RHBDL2: variants seen among roughly 807,000 people sequenced by gnomAD.
The protein encoded by RHBDL2 is rhomboid-related protein 2.
RHBDL2 carries 26 observed loss-of-function variants against 31.7 expected under a neutral mutation model. That is an observed-to-expected ratio of 0.82 (90% CI 0.60 to 1.14). The LOEUF is 1.14. RHBDL2 is among the 50% of genes most tolerant of loss of function. The pLI is 0.00. For missense variants in RHBDL2, 336 were observed against 364.4 expected (o/e 0.92, Z 0.63); for synonymous variants, 123 against 127.2 (o/e 0.97, Z 0.22).
At chr1:38,918,071 G>A (rs186407166) in intron 2 of RHBDL2, among the ~76,000 whole-genome samples, 1 of 152,254 alleles carries the variant, frequency 6.6e-6, no homozygotes. Context: ...TGGGCCTCCA[G>A]CCTGCCAGCC....
intron 4 of RHBDL2, among the ~76,000 whole-genome samples, chr1:38,903,624 T>G (rs1374972858): frequency 6.6e-6 from 1 of 152,150 alleles, no homozygotes; most frequent in Admixed American, 6.6e-5. Flanking sequence ...GTTGGAAGAC[T>G]CAATATTGTT....
At chr1:38,935,053 C>T (rs1643481996) in intron 1 of RHBDL2, among the ~76,000 whole-genome samples, 1 of 152,044 alleles carries the variant, frequency 6.6e-6, no homozygotes, top group African/African-American at 2.4e-5. Context: ...AAATCGGCTC[C>T]AAGATCAAAT....
At chr1:38,898,533 A>T (rs904833743) in intron 4 of RHBDL2, among the ~76,000 whole-genome samples, 11 of 152,230 alleles carry the variant, frequency 7.2e-5, no homozygotes, top group Non-Finnish European at 5.9e-5. Context: ...TCAAGATACT[A>T]GACATCAGAA....
At chr1:38,927,488 C>T (rs2124348997) in intron 1 of RHBDL2, among the ~76,000 whole-genome samples, 1 of 152,272 alleles carries the variant, frequency 6.6e-6, no homozygotes. Flanking sequence ...CGCACCACTT[C>T]CATTATCATT....
chr1:38,925,018 T>A (rs1643359283), intron 1 of RHBDL2, among the ~76,000 whole-genome samples: 4 of 151,320 alleles, frequency 2.6e-5, no homozygotes, highest in Admixed American at 2.6e-4. Context: ...TGACCTCAAG[T>A]GATCCATCCA....
At chr1:38,933,666 C>T (rs1643461336) in intron 1 of RHBDL2, among the ~76,000 whole-genome samples, 1 of 152,078 alleles carries the variant, frequency 6.6e-6, no homozygotes, top group Non-Finnish European at 1.5e-5. Context: ...AAACTTCATC[C>T]CCACCAGCAA....
At chr1:38,924,328 CT>C (rs1643348275) in intron 1 of RHBDL2, among the ~76,000 whole-genome samples, 1 of 152,142 alleles carries the variant, frequency 6.6e-6, no homozygotes, top group Non-Finnish European at 1.5e-5. Flanking sequence ...GGCACAGTGG[CT>C]CACGCCTGTA....
intron 4 of RHBDL2, among the ~76,000 whole-genome samples, chr1:38,897,457 A>G (rs1642933341): frequency 6.6e-6 from 1 of 152,170 alleles, no homozygotes; most frequent in Non-Finnish European, 1.5e-5. Flanking sequence ...CTATAATCTC[A>G]GTGCTTTGGG....
At chr1:38,914,431 G>A (rs1303714958) in intron 3 of RHBDL2, among the ~76,000 whole-genome samples, 2 of 151,560 alleles carry the variant, frequency 1.3e-5, no homozygotes, top group South Asian at 2.1e-4. Context: ...TAGTAGAGAC[G>A]GGGTTTTACC....
chr1:38,901,939 C>T (rs1642996166), intron 4 of RHBDL2, among the ~76,000 whole-genome samples: 1 of 151,494 alleles, frequency 6.6e-6, no homozygotes, highest in Non-Finnish European at 1.5e-5. Context: ...TTTCAATAAT[C>T]CTTTCTCAAT....
chr1:38,934,761 G>A (rs979672977), intron 1 of RHBDL2, among the ~76,000 whole-genome samples: 3 of 151,248 alleles, frequency 2.0e-5, no homozygotes, highest in East Asian at 3.9e-4. Flanking sequence ...TTTGAGACCA[G>A]CCTGGCCAAC....
chr1:38,931,488 C>A (rs1286145535), intron 1 of RHBDL2, among the ~76,000 whole-genome samples: 1 of 151,628 alleles, frequency 6.6e-6, no homozygotes, highest in Non-Finnish European at 1.5e-5. Flanking sequence ...CGCCACTGCA[C>A]TCCAGCCTGG....
intron 1 of RHBDL2, among the ~76,000 whole-genome samples, chr1:38,933,048 G>A (rs1053095431): frequency 6.6e-6 from 1 of 152,024 alleles, no homozygotes; most frequent in Non-Finnish European, 1.5e-5. Context: ...TCCTTCAATG[G>A]TTTCCCATTG....
At chr1:38,914,706 C>G (rs898261471) in intron 3 of RHBDL2, among the ~76,000 whole-genome samples, 8 of 151,914 alleles carry the variant, frequency 5.3e-5, no homozygotes, top group Admixed American at 1.3e-4. Context: ...TTCCTAAATA[C>G]TAATATTGGG....
At position 38,886,701 on chromosome 1, in the gene RHBDL2, G is replaced by A. The variant is rs1642789767; in HGVS notation, c.733-18C>T. The stretch of plus-strand genomic sequence containing the variant: ...AAAGACACCTTGGGAGAAAAGGAGG[G>A]AAAATGGAAATAAGTGAAGACAATG... On this transcript the variant is annotated intron_variant, in intron 7 of 7. Transcript: ENST00000372990. 2.6e-6 allele frequency: 4 copies of A among 1,520,074 alleles called. No homozygotes were observed. The highest frequency in any genetic ancestry group is 4.7e-5 in the East Asian group (2 of 42,710). The allele number at this position is 1,520,074 out of a possible 1,614,324, so 94.2% of individuals were successfully genotyped here.
At chr1:38,888,059 T>A (rs1642809049) in intron 6 of RHBDL2, 35 bp from the exon 7 acceptor site, 2 of 1,451,210 alleles carry the variant, frequency 1.4e-6, no homozygotes, top group Admixed American at 3.4e-5. Flanking sequence ...AGGCTCAGAA[T>A]CTCCACAGTA....
At chr1:38,910,865 G>A (rs567749445) in intron 4 of RHBDL2, among the ~76,000 whole-genome samples, 5 of 148,436 alleles carry the variant, frequency 3.4e-5, no homozygotes, top group South Asian at 2.1e-4. Flanking sequence ...TGCAATCTCC[G>A]CCCCCTAGGT....
At chr1:38,919,935 A>G (rs773771797) in intron 1 of RHBDL2, among the ~76,000 whole-genome samples, 7 of 152,186 alleles carry the variant, frequency 4.6e-5, no homozygotes, top group Non-Finnish European at 1.0e-4. Context: ...AATGTTGTGC[A>G]GCCATCACCA....
At chr1:38,941,096 C>T (rs1368081768) in intron 1 of RHBDL2, among the ~76,000 whole-genome samples, 1 of 152,182 alleles carries the variant, frequency 6.6e-6, no homozygotes, top group African/African-American at 2.4e-5. Flanking sequence ...GCGCAGCCCT[C>T]CCTCCAGAGA....
Sources: allele counts gnomAD v4.1 joint callset (sites outside exome capture counted in the v4.1 genomes callset), GRCh38; gene constraint gnomAD v4.1.1; transcripts MANE v1.5; gene names NCBI Gene and HGNC (gene_info 2026-07-23, HGNC 2026-07-21).